The following LDLRAD4 variants were observed in gnomAD, a reference collection of about 807,000 sequenced individuals.
LDLRAD4 encodes the protein low density lipoprotein receptor class A domain containing 4.
A neutral mutation model predicts 17.0 loss-of-function variants in LDLRAD4; 5 were observed. The ratio of observed to expected loss-of-function variants is 0.29; its 90% CI spans 0.15 to 0.62. LDLRAD4 has a LOEUF of 0.62. Among genes scored for constraint, LDLRAD4 ranks in the 20% least tolerant of loss-of-function variants. The pLI is 0.84. For missense variants in LDLRAD4, 340 were observed against 424.7 expected (o/e 0.80, Z 1.75); for synonymous variants, 168 against 171.8 (o/e 0.98, Z 0.17).
At chr18:13,369,414 G>C (rs2084298565) in intron 1 of LDLRAD4, among the ~76,000 whole-genome samples, 1 of 152,170 alleles carries the variant, frequency 6.6e-6, no homozygotes, top group South Asian at 2.1e-4. Context: ...GCCTCAGTGG[G>C]CTGTTGGGTG....
chr18:13,370,289 T>C (rs1413928873), intron 1 of LDLRAD4, among the ~76,000 whole-genome samples: 1 of 152,222 alleles, frequency 6.6e-6, no homozygotes, highest in Non-Finnish European at 1.5e-5. Flanking sequence ...AGACCACTAA[T>C]GGGTTGCAAT....
chr18:13,283,841 G>A (rs1177341476), intron 1 of LDLRAD4, among the ~76,000 whole-genome samples: 1 of 152,156 alleles, frequency 6.6e-6, no homozygotes, highest in African/African-American at 2.4e-5. Flanking sequence ...AGGTTTAATT[G>A]GACTTACAGT....
chr18:13,347,566 C>T (rs539997023), intron 1 of LDLRAD4, among the ~76,000 whole-genome samples: 6 of 152,170 alleles, frequency 3.9e-5, no homozygotes, highest in East Asian at 1.9e-4. Flanking sequence ...TTGCTCTTCT[C>T]GAGGAGTATC....
At chr18:13,619,831 A>AGG (rs1354776426) in intron 3 of LDLRAD4, among the ~76,000 whole-genome samples, 3 of 152,056 alleles carry the variant, frequency 2.0e-5, no homozygotes, top group Non-Finnish European at 2.9e-5. Flanking sequence ...CTGCGGGGGC[A>AGG]GGGGGCCCTT....
chr18:13,280,764 T>G (rs1448756034), intron 1 of LDLRAD4, among the ~76,000 whole-genome samples: 1 of 152,210 alleles, frequency 6.6e-6, no homozygotes, highest in African/African-American at 2.4e-5. Flanking sequence ...CTTTTGGTTT[T>G]CTTCTTGGTC....
intron 1 of LDLRAD4, among the ~76,000 whole-genome samples, chr18:13,293,549 G>GA (rs955088083): frequency 6.6e-6 from 1 of 152,196 alleles, no homozygotes; most frequent in Non-Finnish European, 1.5e-5. Context: ...AAAAATATCG[G>GA]AAATATTGTG....
chr18:13,282,730 T>C (rs117543610), intron 1 of LDLRAD4, among the ~76,000 whole-genome samples: 2,107 of 152,348 alleles, frequency 0.014, 20 homozygotes, highest in Non-Finnish European at 0.022. Flanking sequence ...TCTGTGGATC[T>C]ACCATTCTGT....
intron 3 of LDLRAD4, chr18:13,613,019 T>TA (rs2039749194): frequency 2.0e-6 from 1 of 489,720 alleles, no homozygotes; most frequent in African/African-American, 1.9e-5. Context: ...TTGGAGGTGT[T>TA]ATGCATGAGT....
In LDLRAD4 at chr18:13,529,728, TG is replaced by T. The variant is rs1325763655; in HGVS notation, c.181+91346del. 2.6e-5 allele frequency among the ~76,000 whole-genome samples: 4 copies of T among 152,364 alleles called. No homozygotes were observed. The East Asian group carries it at 7.7e-4, about 29-fold the overall frequency. On this transcript the variant is annotated intron_variant, in intron 3 of 5. Coordinates refer to ENST00000359446, the Ensembl canonical transcript of LDLRAD4. ...GCGATCCTATCCTTTCTCTGAATGT[TG>T]GCAGGACATTTAAATAATGTGTGCA... is the stretch of plus-strand genomic sequence containing the variant.
chr18:13,307,566 T>TCA (rs1374877422), intron 1 of LDLRAD4, among the ~76,000 whole-genome samples: 3 of 152,196 alleles, frequency 2.0e-5, no homozygotes, highest in Admixed American at 6.5e-5. Flanking sequence ...ACAGGGCATG[T>TCA]CACCACTCCT....
At chr18:13,499,347 CCA>C (rs1249098257) in intron 3 of LDLRAD4, among the ~76,000 whole-genome samples, 13 of 130,424 alleles carry the variant, frequency 1.0e-4, no homozygotes, top group Admixed American at 1.6e-4. Context: ...AGAATCCTTG[CCA>C]CACACGTCCT....
In LDLRAD4 at chr18:13,612,376, T is replaced by C. The variant is rs184952965; in HGVS notation, c.182-8741T>C. 6.5e-5 allele frequency: 77 copies of C among 1,175,638 alleles called. 1 individual carries two copies. The highest frequency in any genetic ancestry group is 7.6e-5 in the Non-Finnish European group (72 of 942,784). 72.8% of individuals were successfully genotyped at this position (1,175,638 alleles called of 1,614,324 possible). On this transcript the variant is annotated intron_variant, in intron 3 of 5. Transcript: ENST00000359446. ...GATCGGAGACCCCGGACTTATTCTC[T>C]GCTCGGTGACACGGCCGGCTTCCTG...
At position 13,353,184 on chromosome 18, in the gene LDLRAD4, G is replaced by A. The variant is rs565226475; in HGVS notation, c.-382-34157G>A. On this transcript the variant is annotated intron_variant, in intron 1 of 5. Transcript: ENST00000359446. ...TTTCCTGTTTTGTCTTTTGTATGTC[G>A]TGTGCTTTTTTAAAATGGAAAATTA... Among the ~76,000 whole-genome samples the A allele has an allele frequency of 2.2e-4, 33 of 151,754 alleles. 1 individual carries two copies. The South Asian group carries it at 2.3e-3, about 11-fold the overall frequency.
At chr18:13,508,436 A>T (rs1295631781) in intron 3 of LDLRAD4, among the ~76,000 whole-genome samples, 1 of 152,224 alleles carries the variant, frequency 6.6e-6, no homozygotes, top group Non-Finnish European at 1.5e-5. Flanking sequence ...TAGGGTTTTC[A>T]TAGCTGGAGA....
intron 3 of LDLRAD4, among the ~76,000 whole-genome samples, chr18:13,560,232 A>G (rs1264149807): frequency 6.6e-6 from 1 of 151,962 alleles, no homozygotes; most frequent in Non-Finnish European, 1.5e-5. Context: ...GCCTGAGCCA[A>G]CCCCATCCTC....
rs369714160 is a variant in LDLRAD4, at chr18:13,631,311, T to C, written c.336+10040T>C. On this transcript the variant is annotated intron_variant, in intron 4 of 5. Coordinates refer to ENST00000359446, the Ensembl canonical transcript of LDLRAD4. ...GAAACAGCCTACCAAGACTGAATCA[T>C]GAAGAAATAGAAAATCTTAATAGAT... 5.3e-5 allele frequency among the ~76,000 whole-genome samples: 8 copies of C among 152,302 alleles called. No individual in the cohort carries two copies. In the East Asian group the frequency reaches 1.5e-3, roughly 29 times the overall value.
chr18:13,223,385 G>A (rs559934737), intron 1 of LDLRAD4, among the ~76,000 whole-genome samples: 3 of 152,310 alleles, frequency 2.0e-5, no homozygotes, highest in Non-Finnish European at 2.9e-5. Context: ...GATGTGCTTC[G>A]ACTTCCTGCC....
intron 3 of LDLRAD4, among the ~76,000 whole-genome samples, chr18:13,532,037 T>C (rs2094136518): frequency 6.6e-6 from 1 of 152,044 alleles, no homozygotes; most frequent in Non-Finnish European, 1.5e-5. Flanking sequence ...CTGGTGGTCA[T>C]GTTACTTTGG....
Position 13,633,703 on chromosome 18 carries a change from G to A in LDLRAD4, c.337-9656G>A, listed in dbSNP as rs142369104. On this transcript the variant is annotated intron_variant, in intron 4 of 5. Transcript: ENST00000359446. ...CAAAATTGGAGCAGGCAGCAGGAGC[G>A]GGGAGAAGCCAGGTAGCAGGAGCAG... is the stretch of plus-strand genomic sequence containing the variant. Among the ~76,000 whole-genome samples the A allele has an allele frequency of 3.6e-3, 527 of 146,718 alleles. 4 individuals are homozygous for A. Among genetic ancestry groups the A allele is most frequent in the African/African-American group, 0.012 (498 of 41,150 alleles).
Sources: gnomAD v4.1 joint callset for allele counts (sites outside exome capture counted in the v4.1 genomes callset) on GRCh38, gnomAD v4.1.1 for gene constraint, MANE v1.5 for transcripts, NCBI Gene and HGNC (gene_info 2026-07-23, HGNC 2026-07-21) for gene names.